Variants in TMEM59 observed in about 807,000 individuals in gnomAD.
The protein encoded by TMEM59 is transmembrane protein 59.
In TMEM59, 44 loss-of-function variants were observed where a neutral mutation model predicts 42.2. The ratio of observed to expected loss-of-function variants is 1.04; its 90% confidence interval spans 0.82 to 1.34. TMEM59 has a LOEUF of 1.34. Among genes scored for constraint, TMEM59 ranks in the 40% most tolerant of loss-of-function variants. The pLI, the probability that TMEM59 is intolerant of heterozygous loss-of-function variation, is 0.00. For missense variants in TMEM59, 359 were observed against 382.8 expected, an observed-to-expected ratio of 0.94 and a Z score of 0.52; for synonymous variants, 148 against 145.8, an observed-to-expected ratio of 1.02 and a Z score of -0.11.
upstream of TMEM59, chr1:54,053,242 T>TTCC (rs1657643406): frequency 1.3e-6 from 2 of 1,591,740 alleles, no homozygotes; most frequent in Non-Finnish European, 1.7e-6. Context: ...TCGGAAGGGT[T>TTCC]TCCTCCTCCT....
chr1:54,052,886 G>T, intron 1 of TMEM59, 114 bp downstream of exon 1: 1 of 1,178,274 alleles, frequency 8.5e-7, no homozygotes, highest in Non-Finnish European at 1.2e-6. Flanking sequence ...ACAGATGGGA[G>T]ACAGCGATTG....
At chr1:54,047,522 T>A (rs955306750) in intron 1 of TMEM59, 150 bp from the exon 2 acceptor site, 1 of 644,100 alleles carries the variant, frequency 1.6e-6, no homozygotes, top group Non-Finnish European at 2.7e-6. Flanking sequence ...TAGGAGCCAG[T>A]TGATACTCAA....
At chr1:54,052,951 G>A in intron 1 of TMEM59, 49 bp downstream of exon 1, 1 of 1,565,528 alleles carries the variant, frequency 6.4e-7, no homozygotes, top group Middle Eastern at 1.7e-4. Flanking sequence ...GGGGAGCCGA[G>A]AAATGGGCTG....
chr1:54,049,325 T>A (rs1346836935), intron 1 of TMEM59, among the ~76,000 whole-genome samples: 2 of 152,204 alleles, frequency 1.3e-5, no homozygotes, highest in Non-Finnish European at 2.9e-5. Flanking sequence ...ATCTTCACTA[T>A]TAGGAGAATT....
intron 7 of TMEM59, 68 bp downstream of exon 7, chr1:54,036,541 TA>T: frequency 8.4e-7 from 1 of 1,187,902 alleles, no homozygotes; most frequent in Non-Finnish European, 1.2e-6. Context: ...TTTTTCCAGC[TA>T]AACAAATAAG....
intron 1 of TMEM59, chr1:54,048,625 A>G: frequency 2.4e-6 from 1 of 421,388 alleles, no homozygotes; most frequent in Non-Finnish European, 4.8e-6. Flanking sequence ...AAGCTATTGC[A>G]TATGGGGGAG....
chr1:54,042,053 T>TTG (rs1657158036), intron 4 of TMEM59, among the ~76,000 whole-genome samples: 1 of 151,508 alleles, frequency 6.6e-6, no homozygotes, highest in African/African-American at 2.4e-5. Flanking sequence ...AACGTTTTGT[T>TTG]TTGTTTTTTT....
chr1:54,050,941 C>T (rs1282278181), intron 1 of TMEM59, among the ~76,000 whole-genome samples: 2 of 152,066 alleles, frequency 1.3e-5, no homozygotes, highest in African/African-American at 4.8e-5. Context: ...TCACTGCGAC[C>T]TGCGCCTCCC....
chr1:54,043,367 T>G lies in TMEM59; in HGVS notation c.543+6A>C, dbSNP rs1036591411. The G allele has an allele frequency of 7.2e-6, 11 of 1,530,900 alleles. No individual in the cohort carries two copies. Among genetic ancestry groups the G allele is most frequent in the Non-Finnish European group, 9.6e-6 (11 of 1,141,514 alleles). 94.8% of individuals were successfully genotyped at this position (1,530,900 alleles called of 1,614,324 possible). A position where few individuals can be genotyped will look rare whatever the true frequency, so the allele number is the denominator to read the frequency against. ...TTTAGATGAATCCATGAAGCTCAGT[T>G]GTCACCTGGAATATAACTATTTTTC... On this transcript the variant is annotated splice_donor_region_variant and intron_variant, in intron 4 of 7. Transcript: ENST00000234831.
intron 1 of TMEM59, chr1:54,048,012 A>C (rs943716812): frequency 2.0e-5 from 3 of 152,412 alleles, no homozygotes; most frequent in African/African-American, 7.2e-5. Context: ...ATATAACTAG[A>C]ACTTTAACAG....
Position 54,053,183 on chromosome 1 carries a change from C to T in TMEM59, c.6G>A (p.Ala2=), listed in dbSNP as rs1275379173. Residue 2 remains alanine (A), a synonymous_variant, in exon 1 of 8, where the codon GCG becomes GCA. Transcript: ENST00000234831. The part of the protein sequence containing the change: M[A]APKGSLWVRT... ...TCACCCAGAGGCTCCCCTTCGGCGC[C>T]GCCATCTTGTTCCCCTCTGTCACAG... 3 of 1,613,874 alleles carry T rather than the reference C, an allele frequency of 1.9e-6. No individual in the cohort carries two copies. In the East Asian group the frequency reaches 6.7e-5, roughly 36 times the overall value.
chr1:54,036,087 C>CAGACT (rs1246742708), intron 7 of TMEM59, among the ~76,000 whole-genome samples: 8 of 152,264 alleles, frequency 5.3e-5, no homozygotes, highest in African/African-American at 1.9e-4. Flanking sequence ...AGTTCAGGAC[C>CAGACT]AGACTGGTCA....
chr1:54,053,139 G>T lies in TMEM59; in HGVS notation c.50C>A (p.Pro17Gln). Residue 17 changes from proline (P) to glutamine (Q), a missense_variant, in exon 1 of 8, where the codon CCG becomes CAG. Coordinates refer to ENST00000234831, the MANE Select transcript of TMEM59 (RefSeq NM_004872.5). ...SLWVRTQLGL[P>Q]PLLLLTMALA... is the part of the protein sequence containing the mutation. ...GGCCATGGTCAGCAGCAGCAGCGGC[G>T]GGAGCCCCAGTTGGGTCCTCACCCA... 1.2e-6 allele frequency: 2 copies of T among 1,614,244 alleles called. No individual in the cohort carries two copies. The highest frequency in any genetic ancestry group is 1.7e-6 in the Non-Finnish European group (2 of 1,180,042).
intron 6 of TMEM59, 121 bp from the exon 7 acceptor site, chr1:54,036,839 G>C: frequency 1.8e-6 from 1 of 549,492 alleles, no homozygotes; most frequent in Non-Finnish European, 3.1e-6. Flanking sequence ...GGTTATCTTT[G>C]AAACTATTAA....
At chr1:54,041,692 T>C in intron 5 of TMEM59, 32 bp downstream of exon 5, 1 of 1,572,508 alleles carries the variant, frequency 6.4e-7, no homozygotes, top group Non-Finnish European at 8.7e-7. Flanking sequence ...ACTGCTAATG[T>C]TTTTATCTAA....
chr1:54,044,573 T>C (rs1657264240), intron 3 of TMEM59: 1 of 148,318 alleles, frequency 6.7e-6, no homozygotes, highest in Non-Finnish European at 1.5e-5. Flanking sequence ...CAGTGGTATC[T>C]ATGGTAGCAC....
chr1:54,045,627 A>G, intron 3 of TMEM59, 65 bp downstream of exon 3: 2 of 1,474,104 alleles, frequency 1.4e-6, no homozygotes, highest in Non-Finnish European at 1.9e-6. Context: ...GGTGATAAAC[A>G]CTTCAAGCAA....
At chr1:54,048,378 T>A (rs1245245715) in intron 1 of TMEM59, among the ~76,000 whole-genome samples, 1 of 152,184 alleles carries the variant, frequency 6.6e-6, no homozygotes, top group Non-Finnish European at 1.5e-5. Flanking sequence ...ATCTCCAAAT[T>A]CCTCAATAAT....
intron 4 of TMEM59, among the ~76,000 whole-genome samples, chr1:54,042,272 CCATACTTTTTA>C (rs1657166909): frequency 6.6e-6 from 1 of 152,082 alleles, no homozygotes; most frequent in Admixed American, 6.6e-5. Context: ...GCCAAACACT[CCATACTTTTTA>C]CATCTTGTGT....
Sources: gnomAD v4.1 joint callset for allele counts (sites outside exome capture counted in the v4.1 genomes callset) on GRCh38, gnomAD v4.1.1 for gene constraint, MANE v1.5 for transcripts, NCBI Gene and HGNC (gene_info 2026-07-23, HGNC 2026-07-21) for gene names.